Variants in XIRP2 observed in about 807,000 individuals in gnomAD.
XIRP2 encodes the protein xin actin binding repeat containing 2, also known as xin actin-binding repeat-containing protein 2.
XIRP2 carries 236 observed loss-of-function variants against 277.0 expected under a neutral mutation model. That is an observed-to-expected ratio of 0.85 (90% confidence interval 0.77 to 0.95). The LOEUF (loss-of-function observed/expected upper bound fraction) is 0.95. Among genes scored for constraint, XIRP2 ranks in the 40% least tolerant of loss-of-function variants. The probability of loss-of-function intolerance (pLI) is 0.00; values close to 1 mark genes in which losing one functional copy is unlikely to be tolerated. For synonymous variants in XIRP2, 1,490 were observed against 1,416.5 expected (o/e 1.05, Z -1.17); for missense variants, 4,640 against 4,157.5 (o/e 1.12, Z -3.19).
chr2:167,087,664 G>T (rs1460088980), intron 2 of XIRP2, among the ~76,000 whole-genome samples: 2 of 152,216 alleles, frequency 1.3e-5, no homozygotes, highest in Non-Finnish European at 2.9e-5. Flanking sequence ...TTTTAAGCCG[G>T]TCGGAAAAGC....
At chr2:166,942,418 T>C (rs1278211335) in intron 2 of XIRP2, among the ~76,000 whole-genome samples, 1 of 152,202 alleles carries the variant, frequency 6.6e-6, no homozygotes, top group Non-Finnish European at 1.5e-5. Flanking sequence ...CCAAAATACA[T>C]TGCCTAATGT....
chr2:167,258,323 A>G lies in XIRP2; in HGVS notation c.*506A>G, dbSNP rs1695723513. The G allele has an allele frequency of 1.2e-6, 2 of 1,613,352 alleles. No individual in the cohort carries two copies. Among genetic ancestry groups the G allele is most frequent in the East Asian group, 2.2e-5 (1 of 44,816 alleles). Reference sequence around the variant, plus strand: ...TAGAACTCCAGAAAATAAAGGACAAAGACAAGATCACTTTCCATTTTTGCA... The same window carrying G: ...TAGAACTCCAGAAAATAAAGGACAAGGACAAGATCACTTTCCATTTTTGCA... On this transcript the variant is annotated 3_prime_UTR_variant, in exon 11 of 11. Transcript: ENST00000409195.
chr2:167,218,262 G>A lies in XIRP2; in HGVS notation c.820G>A (p.Ala274Thr). The A allele has an allele frequency of 6.2e-7, 1 of 1,604,462 alleles. No homozygotes were observed. The highest frequency in any genetic ancestry group is 8.5e-7 in the Non-Finnish European group (1 of 1,175,598). The part of the protein sequence containing the change: ...DEITSSRNTF[A>T]QYQYQHQNRS... ...AATTACTTCTTCCCGTAATACCTTT[G>A]CTCAATACCAATATCAACATCAGAA... Residue 274 changes from alanine (A) to threonine (T), a missense_variant, in exon 5 of 11, where the codon GCT becomes ACT. By Grantham distance (58) the Ala-to-Thr change is moderately conservative. Coordinates refer to ENST00000409195, the MANE Select transcript of XIRP2 (RefSeq NM_152381.6).
chr2:167,095,746 G>A (rs1690291236), intron 2 of XIRP2, among the ~76,000 whole-genome samples: 1 of 146,110 alleles, frequency 6.8e-6, no homozygotes, highest in African/African-American at 2.5e-5. Flanking sequence ...TCACATTGAT[G>A]TTCACCAGCA....
intron 2 of XIRP2, among the ~76,000 whole-genome samples, chr2:167,075,126 T>C (rs1002649289): frequency 9.9e-5 from 15 of 152,254 alleles, no homozygotes; most frequent in Non-Finnish European, 2.1e-4. Flanking sequence ...TAATCATTTT[T>C]GTATCCCTAG....
chr2:167,185,735 T>G (rs1693135438), intron 3 of XIRP2, among the ~76,000 whole-genome samples: 2 of 152,182 alleles, frequency 1.3e-5, no homozygotes, highest in Non-Finnish European at 2.9e-5. Flanking sequence ...AGTACCATTT[T>G]CTTTTGCATA....
intron 3 of XIRP2, among the ~76,000 whole-genome samples, chr2:167,185,988 C>G (rs1693142573): frequency 6.6e-6 from 1 of 152,156 alleles, no homozygotes; most frequent in African/African-American, 2.4e-5. Context: ...TGATTTAAAT[C>G]AGTATTGTCC....
At chr2:167,252,528 A>C (rs977697924) in intron 9 of XIRP2, among the ~76,000 whole-genome samples, 1 of 151,912 alleles carries the variant, frequency 6.6e-6, no homozygotes, top group African/African-American at 2.4e-5. Flanking sequence ...ATTTTTTTCT[A>C]ACTGATTTTT....
rs1426298270 is a variant in XIRP2, at chr2:167,244,245, C to G, written c.2853C>G (p.Ile951Met). 6.2e-7 allele frequency: 1 copy of G among 1,613,650 alleles called. No homozygotes were observed. Among genetic ancestry groups the G allele is most frequent in the Non-Finnish European group, 8.5e-7 (1 of 1,179,846 alleles). The change falls in exon 9 of 11, where the codon ATC (isoleucine) becomes ATG (methionine). Residue 951 changes from isoleucine to methionine, a missense_variant. Physicochemically the swap from Ile to Met is conservative, Grantham distance 10. Coordinates refer to ENST00000409195, the MANE Select transcript of XIRP2 (RefSeq NM_152381.6). ...DRGDVKNYTH[I>M]FESNNLIKFD... ...GAGATGTGAAGAATTACACACATATCTTTGAATCAAACAATTTAATTAAAT... is the reference window on the plus strand; with the variant it reads ...GAGATGTGAAGAATTACACACATATGTTTGAATCAAACAATTTAATTAAAT...
chr2:166,977,819 A>AT (rs1315456319), intron 2 of XIRP2, among the ~76,000 whole-genome samples: 11 of 152,198 alleles, frequency 7.2e-5, no homozygotes, highest in Admixed American at 7.2e-4. Flanking sequence ...TTCATAATTC[A>AT]TAGGGTATCA....
intron 2 of XIRP2, among the ~76,000 whole-genome samples, chr2:166,988,649 C>A (rs1289130640): frequency 8.3e-6 from 1 of 120,858 alleles, no homozygotes; most frequent in Non-Finnish European, 1.7e-5. Flanking sequence ...ATTGCCTCAC[C>A]TGGGAAGCGC....
At chr2:167,215,166 G>A (rs1195358619) in intron 4 of XIRP2, among the ~76,000 whole-genome samples, 1 of 152,056 alleles carries the variant, frequency 6.6e-6, no homozygotes, top group Non-Finnish European at 1.5e-5. Flanking sequence ...AAATATTGTG[G>A]CCTTAATTCA....
intron 2 of XIRP2, among the ~76,000 whole-genome samples, chr2:167,094,323 G>C (rs558742451): frequency 1.5e-3 from 230 of 152,260 alleles, no homozygotes; most frequent in Non-Finnish European, 2.6e-3. Context: ...AGTTTAATTA[G>C]ATCCCGTTTG....
intron 2 of XIRP2, among the ~76,000 whole-genome samples, chr2:166,941,463 G>A (rs1179444315): frequency 6.6e-6 from 1 of 152,146 alleles, no homozygotes; most frequent in Non-Finnish European, 1.5e-5. Flanking sequence ...TGCACCCACT[G>A]TCCGACAAGC....
chr2:166,951,536 T>A (rs999563838), intron 2 of XIRP2, among the ~76,000 whole-genome samples: 7 of 151,710 alleles, frequency 4.6e-5, no homozygotes, highest in African/African-American at 7.3e-5. Context: ...AAAAAAAAAA[T>A]TTAGAAAGAA....
Position 167,125,441 on chromosome 2 carries a change from C to T in XIRP2, c.409-10468C>T, listed in dbSNP as rs188767371. Among the ~76,000 whole-genome samples, 53 of 152,276 alleles carry T rather than the reference C, an allele frequency of 3.5e-4. 1 individual carries two copies. In the East Asian group the frequency reaches 0.01, roughly 29 times the overall value. The stretch of plus-strand genomic sequence containing the variant: ...GCAGAAGTTAAAAATACCAGCTTAG[C>T]ATCAGACTGAAATAGTCCACCACTG... On this transcript the variant is annotated intron_variant, in intron 2 of 10. Coordinates refer to ENST00000409195, the MANE Select transcript of XIRP2 (RefSeq NM_152381.6).
chr2:166,999,256 T>A (rs1020388773), intron 2 of XIRP2, among the ~76,000 whole-genome samples: 14 of 152,278 alleles, frequency 9.2e-5, no homozygotes, highest in South Asian at 6.2e-4. Flanking sequence ...TTGTGAAATA[T>A]GAAAAACTTG....
At chr2:167,059,765 G>A (rs903551728) in intron 2 of XIRP2, among the ~76,000 whole-genome samples, 1 of 152,144 alleles carries the variant, frequency 6.6e-6, no homozygotes, top group South Asian at 2.1e-4. Context: ...CTCCAGGCAT[G>A]AATACCTTGT....
intron 1 of XIRP2, among the ~76,000 whole-genome samples, chr2:166,900,002 A>G (rs547293378): frequency 9.9e-5 from 15 of 152,090 alleles, no homozygotes; most frequent in African/African-American, 3.6e-4. Context: ...AAATTAGATT[A>G]TGATGTGTGT....
Sources: gnomAD v4.1 joint callset for allele counts (sites outside exome capture counted in the v4.1 genomes callset) on GRCh38, gnomAD v4.1.1 for gene constraint, MANE v1.5 for transcripts, NCBI Gene and HGNC (gene_info 2026-07-23, HGNC 2026-07-21) for gene names.